The following ZMAT4 variants were observed in gnomAD, a reference collection of about 807,000 sequenced individuals.
ZMAT4 encodes the protein zinc finger matrin-type 4.
In ZMAT4, 17 loss-of-function variants were observed where a neutral mutation model predicts 28.7. The observed-to-expected ratio is 0.59, with a 90% CI of 0.41 to 0.89. ZMAT4 has a LOEUF of 0.89. Among genes scored for constraint, ZMAT4 ranks in the 40% least tolerant of loss-of-function variants. The pLI, the probability that ZMAT4 is intolerant of heterozygous loss-of-function variation, is 0.00. For synonymous variants in ZMAT4, 117 were observed against 109.2 expected (o/e 1.07, Z -0.44); for missense variants, 240 against 283.8 (o/e 0.85, Z 1.11).
chr8:40,661,170 G>A (rs1808177299), intron 5 of ZMAT4, among the ~76,000 whole-genome samples: 2 of 152,120 alleles, frequency 1.3e-5, no homozygotes, highest in Non-Finnish European at 2.9e-5. Flanking sequence ...GCACAATCAT[G>A]GCTCACTGCA....
intron 3 of ZMAT4, among the ~76,000 whole-genome samples, chr8:40,763,375 C>A (rs999934718): frequency 6.6e-5 from 10 of 152,222 alleles, no homozygotes; most frequent in Non-Finnish European, 1.5e-4. Flanking sequence ...ATTACTTAAT[C>A]TCTCTGTTTG....
At chr8:40,870,072 G>C (rs1376216809) in intron 1 of ZMAT4, among the ~76,000 whole-genome samples, 1 of 152,188 alleles carries the variant, frequency 6.6e-6, no homozygotes, top group Non-Finnish European at 1.5e-5. Context: ...AGACACAGGA[G>C]TAGCTCTGAA....
chr8:40,871,775 G>A (rs1183521542), intron 1 of ZMAT4, among the ~76,000 whole-genome samples: 2 of 152,140 alleles, frequency 1.3e-5, no homozygotes, highest in East Asian at 1.9e-4. Flanking sequence ...CCTCTGCAGG[G>A]AAGTCTGTCT....
chr8:40,856,043 C>A (rs982246857), intron 1 of ZMAT4, among the ~76,000 whole-genome samples: 1 of 152,018 alleles, frequency 6.6e-6, no homozygotes, highest in African/African-American at 2.4e-5. Context: ...TGCCACAAGA[C>A]CCTCCCCCCG....
At chr8:40,715,520 T>C (rs1421235326) in intron 3 of ZMAT4, among the ~76,000 whole-genome samples, 1 of 152,246 alleles carries the variant, frequency 6.6e-6, no homozygotes, top group African/African-American at 2.4e-5. Flanking sequence ...TATTTTTTTC[T>C]TTGTCCTTTA....
At chr8:40,874,472 A>C (rs1177460401) in intron 1 of ZMAT4, among the ~76,000 whole-genome samples, 1 of 152,124 alleles carries the variant, frequency 6.6e-6, no homozygotes, top group Non-Finnish European at 1.5e-5. Context: ...ACCCTTTCCT[A>C]CTTCCCCAAT....
chr8:40,814,626 A>C (rs1401706374), intron 2 of ZMAT4, among the ~76,000 whole-genome samples: 3 of 152,244 alleles, frequency 2.0e-5, no homozygotes, highest in East Asian at 3.8e-4. Flanking sequence ...CAATTAAGAC[A>C]AATGAAACTA....
chr8:40,749,599 T>C (rs1812374964), intron 3 of ZMAT4, among the ~76,000 whole-genome samples: 1 of 152,178 alleles, frequency 6.6e-6, no homozygotes, highest in South Asian at 2.1e-4. Flanking sequence ...CTGTGAACAC[T>C]GTTCCACCCA....
intron 5 of ZMAT4, among the ~76,000 whole-genome samples, chr8:40,597,302 T>C (rs1157261351): frequency 6.6e-6 from 1 of 152,216 alleles, no homozygotes; most frequent in East Asian, 1.9e-4. Flanking sequence ...ACTGGAATAT[T>C]ATGAATAGGA....
intron 2 of ZMAT4, among the ~76,000 whole-genome samples, chr8:40,807,897 C>T (rs1815159129): frequency 6.6e-6 from 1 of 152,192 alleles, no homozygotes; most frequent in Non-Finnish European, 1.5e-5. Flanking sequence ...GCAAGGCATA[C>T]TGTGCTTTTT....
intron 4 of ZMAT4, among the ~76,000 whole-genome samples, chr8:40,689,181 C>T (rs1809551108): frequency 6.6e-6 from 1 of 152,212 alleles, no homozygotes; most frequent in Admixed American, 6.5e-5. Flanking sequence ...TTAAAATACA[C>T]TTCTGAGGGA....
intron 6 of ZMAT4, among the ~76,000 whole-genome samples, chr8:40,538,910 C>T (rs1487239266): frequency 6.6e-6 from 1 of 152,038 alleles, no homozygotes; most frequent in Admixed American, 6.6e-5. Context: ...CTCAGCTTCC[C>T]AAGTAGCTGG....
intron 2 of ZMAT4, among the ~76,000 whole-genome samples, chr8:40,768,240 A>C (rs1296690598): frequency 6.6e-6 from 1 of 152,152 alleles, no homozygotes. Flanking sequence ...CTAAGGTCAG[A>C]TATCATGAGC....
intron 1 of ZMAT4, among the ~76,000 whole-genome samples, chr8:40,852,891 T>C (rs147615433): frequency 1.3e-5 from 2 of 152,322 alleles, no homozygotes; most frequent in Non-Finnish European, 2.9e-5. Flanking sequence ...TTCATCATGA[T>C]GGAATTTTCC....
chr8:40,780,842 C>A (rs908859555), intron 2 of ZMAT4, among the ~76,000 whole-genome samples: 1 of 152,166 alleles, frequency 6.6e-6, no homozygotes, highest in Non-Finnish European at 1.5e-5. Context: ...ATCTAACACC[C>A]TCTCATGACA....
intron 4 of ZMAT4, among the ~76,000 whole-genome samples, chr8:40,696,410 G>A (rs1809886264): frequency 6.6e-6 from 1 of 152,108 alleles, no homozygotes; most frequent in Admixed American, 6.5e-5. Context: ...AAAATGTACT[G>A]CTAAATTTTA....
At chr8:40,871,837 C>T (rs148572029) in intron 1 of ZMAT4, among the ~76,000 whole-genome samples, 292 of 152,280 alleles carry the variant, frequency 1.9e-3, no homozygotes, top group African/African-American at 6.6e-3. Flanking sequence ...TATAAAAATG[C>T]GCTCTCAGGA....
At chr8:40,810,067 A>AAT (rs949665356) in intron 2 of ZMAT4, among the ~76,000 whole-genome samples, 4 of 151,936 alleles carry the variant, frequency 2.6e-5, no homozygotes, top group African/African-American at 7.3e-5. Context: ...AAACAAACAA[A>AAT]ATATATATAT....
intron 5 of ZMAT4, among the ~76,000 whole-genome samples, chr8:40,587,378 T>A (rs1351919001): frequency 6.6e-6 from 1 of 152,178 alleles, no homozygotes; most frequent in Non-Finnish European, 1.5e-5. Context: ...TCTTTTAAAA[T>A]TCCTCTTGAT....
Sources: allele counts gnomAD v4.1 joint callset (sites outside exome capture counted in the v4.1 genomes callset), GRCh38; gene constraint gnomAD v4.1.1; transcripts MANE v1.5; gene names NCBI Gene and HGNC (gene_info 2026-07-23, HGNC 2026-07-21).